The following DAB1 variants were observed in gnomAD, a reference collection of about 807,000 sequenced individuals.
The protein encoded by DAB1 is disabled homolog 1.
In DAB1, 15 loss-of-function variants were observed where a neutral mutation model predicts 64.6. The ratio of observed to expected loss-of-function variants is 0.23; its 90% CI spans 0.16 to 0.36. The LOEUF is 0.36. DAB1 is among the 10% of genes least tolerant of loss of function. The pLI is 1.00. For missense variants in DAB1, 596 were observed against 706.7 expected (o/e 0.84, Z 1.78); for synonymous variants, 235 against 251.9 (o/e 0.93, Z 0.64).
intron 7 of DAB1, among the ~76,000 whole-genome samples, chr1:57,442,449 A>T (rs1685991640): frequency 6.6e-6 from 1 of 152,230 alleles, no homozygotes; most frequent in African/African-American, 2.4e-5. Context: ...CAATCCTGGT[A>T]TTCAAACTTC....
At chr1:57,681,483 G>A (rs888468137) in intron 6 of DAB1, among the ~76,000 whole-genome samples, 1 of 152,124 alleles carries the variant, frequency 6.6e-6, no homozygotes, top group African/African-American at 2.4e-5. Flanking sequence ...TTCTGCAGTG[G>A]CCAATCAGGA....
At chr1:57,348,540 C>T (rs1297736592) in intron 1 of DAB1, among the ~76,000 whole-genome samples, 13 of 152,170 alleles carry the variant, frequency 8.5e-5, no homozygotes, top group South Asian at 4.1e-4. Flanking sequence ...TTATCATCCC[C>T]GTTGTACAGA....
intron 3 of DAB1, among the ~76,000 whole-genome samples, chr1:58,366,581 A>T (rs1489581594): frequency 6.6e-6 from 1 of 152,212 alleles, no homozygotes; most frequent in Non-Finnish European, 1.5e-5. Flanking sequence ...ATAGGAGTGG[A>T]TGTATTTCCC....
chr1:57,118,416 A>C (rs1018762167), intron 4 of DAB1, among the ~76,000 whole-genome samples: 1 of 152,228 alleles, frequency 6.6e-6, no homozygotes, highest in African/African-American at 2.4e-5. Flanking sequence ...ATCCCAGTTA[A>C]GGTGAAAGAT....
At chr1:58,156,124 A>G (rs1054840171) in intron 4 of DAB1, among the ~76,000 whole-genome samples, 1 of 152,222 alleles carries the variant, frequency 6.6e-6, no homozygotes, top group African/African-American at 2.4e-5. Context: ...ATTTTTGCAT[A>G]ATACTAACAA....
intron 3 of DAB1, among the ~76,000 whole-genome samples, chr1:58,500,992 T>C (rs1422122420): frequency 6.6e-6 from 1 of 152,218 alleles, no homozygotes; most frequent in South Asian, 2.1e-4. Flanking sequence ...AAAACTGTCA[T>C]ACTATTAAAC....
chr1:57,029,234 T>G (rs1646889871), intron 9 of DAB1, among the ~76,000 whole-genome samples: 1 of 152,206 alleles, frequency 6.6e-6, no homozygotes, highest in Admixed American at 6.5e-5. Flanking sequence ...GCCCCAAGTC[T>G]TGGCAACTTC....
intron 5 of DAB1, among the ~76,000 whole-genome samples, chr1:58,125,860 AGGC>A (rs1435644390): frequency 2.6e-5 from 4 of 152,138 alleles, no homozygotes; most frequent in Admixed American, 6.5e-5. Flanking sequence ...AAATACAGAG[AGGC>A]GTGACTGGTT....
intron 1 of DAB1, among the ~76,000 whole-genome samples, chr1:57,367,093 TAAAATAAAATAAAATA>T (rs1680097315): frequency 9.7e-6 from 1 of 102,654 alleles, no homozygotes; most frequent in African/African-American, 3.5e-5. Context: ...TAAAATAAAA[TAAAATAAAATAAAATA>T]AAATAAAATA....
At chr1:57,278,517 AAG>A (rs1671647708) in intron 2 of DAB1, among the ~76,000 whole-genome samples, 1 of 152,228 alleles carries the variant, frequency 6.6e-6, no homozygotes, top group South Asian at 2.1e-4. Context: ...AGAAAGGAAT[AAG>A]AGCTTCATCT....
chr1:57,913,660 C>T (rs1002458839), intron 5 of DAB1, among the ~76,000 whole-genome samples: 1 of 152,144 alleles, frequency 6.6e-6, no homozygotes, highest in Non-Finnish European at 1.5e-5. Context: ...AACAGGCAAC[C>T]TACAGAATGG....
intron 3 of DAB1, among the ~76,000 whole-genome samples, chr1:58,367,211 G>A (rs1644224994): frequency 6.6e-6 from 1 of 152,116 alleles, no homozygotes; most frequent in Non-Finnish European, 1.5e-5. Context: ...AAAAGCCCAG[G>A]CCTGTTCAAG....
intron 5 of DAB1, among the ~76,000 whole-genome samples, chr1:58,149,349 C>A (rs1359415857): frequency 6.6e-6 from 1 of 152,138 alleles, no homozygotes; most frequent in African/African-American, 2.4e-5. Context: ...AGGAGGGCTA[C>A]TATCTATGGA....
intron 3 of DAB1, among the ~76,000 whole-genome samples, chr1:58,399,646 C>T (rs1040315332): frequency 2.0e-5 from 3 of 152,206 alleles, no homozygotes; most frequent in Non-Finnish European, 4.4e-5. Context: ...GTGAGGTGGT[C>T]AAGAACAATT....
At chr1:58,442,269 C>G (rs1645019226) in intron 3 of DAB1, among the ~76,000 whole-genome samples, 1 of 152,182 alleles carries the variant, frequency 6.6e-6, no homozygotes, top group African/African-American at 2.4e-5. Context: ...TTCAAGGGAA[C>G]CCCTGAATGG....
chr1:58,264,468 TCTAAA>T (rs1309269853), intron 4 of DAB1, among the ~76,000 whole-genome samples: 2 of 152,228 alleles, frequency 1.3e-5, no homozygotes, highest in Non-Finnish European at 2.9e-5. Context: ...AACAAAGACA[TCTAAA>T]GTGTATATGG....
At chr1:57,020,745 G>A (rs924893746) in intron 11 of DAB1, among the ~76,000 whole-genome samples, 7 of 152,208 alleles carry the variant, frequency 4.6e-5, no homozygotes, top group Non-Finnish European at 1.0e-4. Flanking sequence ...CACTTCTACA[G>A]CTGCAGTTAA....
intron 3 of DAB1, among the ~76,000 whole-genome samples, chr1:58,386,977 T>G (rs890393350): frequency 6.6e-6 from 1 of 152,148 alleles, no homozygotes; most frequent in Non-Finnish European, 1.5e-5. Flanking sequence ...GGAGAATCGC[T>G]TGAATCCGGG....
intron 5 of DAB1, among the ~76,000 whole-genome samples, chr1:57,996,416 G>A (rs571967518): frequency 1.3e-4 from 20 of 152,316 alleles, no homozygotes; most frequent in Non-Finnish European, 2.8e-4. Context: ...TAGCAAGGTA[G>A]TGTAGCAAAA....
Sources: allele counts gnomAD v4.1 joint callset (sites outside exome capture counted in the v4.1 genomes callset), GRCh38; gene constraint gnomAD v4.1.1; transcripts MANE v1.5; gene names NCBI Gene and HGNC (gene_info 2026-07-23, HGNC 2026-07-21).